The following SLC25A19 variants were observed in gnomAD, a reference collection of about 807,000 sequenced individuals.
The protein encoded by SLC25A19 is solute carrier family 25 member 19.
A neutral mutation model predicts 27.9 loss-of-function variants in SLC25A19; 18 were observed. The ratio of observed to expected loss-of-function variants is 0.64; its 90% CI spans 0.45 to 0.96. SLC25A19 has a LOEUF of 0.96. Among genes scored for constraint, SLC25A19 ranks in the 40% least tolerant of loss-of-function variants. The pLI is 0.00. For missense variants in SLC25A19, 371 were observed against 418.3 expected (o/e 0.89, Z 0.99); for synonymous variants, 169 against 167.1 (o/e 1.01, Z -0.09).
In SLC25A19 at chr17:75,273,561, G is replaced by A; in HGVS notation, c.853C>T (p.Leu285=). 1 of 1,614,066 alleles carries A rather than the reference G, an allele frequency of 6.2e-7. No individual in the cohort carries two copies. The highest frequency in any genetic ancestry group is 8.5e-7 in the Non-Finnish European group (1 of 1,179,980). ...GCAGCCTTCAGCAAGCTGGGGGACA[G>A]GCCCTTGAAGAAGCCCAGGGCGCCT... ...KEGALGFFKG[L]SPSLLKAALS... Residue 285 remains leucine, a synonymous_variant, in exon 8 of 8, where the codon CTG becomes TTG. Transcript: ENST00000416858.
Position 75,281,559 on chromosome 17 carries a change from T to C in SLC25A19, c.459+1864A>G, listed in dbSNP as rs368531408. Among the ~76,000 whole-genome samples the C allele has an allele frequency of 2.2e-3, 332 of 152,236 alleles. 4 individuals carry two copies. The highest frequency in any genetic ancestry group is 0.01 in the Middle Eastern group (3 of 294). ...GAAAAATATAAAAATTAGCCGGACA[T>C]GGCATCACGTGCCTGTAATCCCAGC... On this transcript the variant is annotated intron_variant, in intron 5 of 7. Transcript: ENST00000416858.
chr17:75,278,125 C>T (rs2077939768), intron 6 of SLC25A19, 27 bp downstream of exon 6: 27 of 1,610,884 alleles, frequency 1.7e-5, no homozygotes, highest in Non-Finnish European at 2.3e-5. Context: ...GGTGGGAGGG[C>T]TCCCTCTCGT....
intron 7 of SLC25A19, among the ~76,000 whole-genome samples, chr17:75,274,546 C>T (rs995897140): frequency 1.2e-4 from 18 of 152,198 alleles, no homozygotes; most frequent in Admixed American, 2.6e-4. Flanking sequence ...CCCACGTGCC[C>T]TTCCCACCTC....
At position 75,274,418 on chromosome 17, in the gene SLC25A19, G is replaced by A. The variant is rs567050975; in HGVS notation, c.775-779C>T. The stretch of plus-strand genomic sequence containing the variant: ...CAAGCCTGGCTTCCCTCCAAAAGCT[G>A]CAGTAACTCCTAGTGACGACATCAT... On this transcript the variant is annotated intron_variant, in intron 7 of 7. Coordinates refer to ENST00000416858, the MANE Select transcript of SLC25A19 (RefSeq NM_001126121.2). Among the ~76,000 whole-genome samples the A allele has an allele frequency of 6.6e-5, 10 of 152,276 alleles. 1 individual carries two copies. The East Asian group carries it at 1.7e-3, about 26-fold the overall frequency.
At chr17:75,281,194 A>AT (rs2078031413) in intron 5 of SLC25A19, among the ~76,000 whole-genome samples, 2 of 152,046 alleles carry the variant, frequency 1.3e-5, no homozygotes, top group Admixed American at 1.3e-4. Context: ...TGTCTCAAAA[A>AT]ATATATATAA....
In SLC25A19 at chr17:75,273,046, G is replaced by C. The variant is rs1300990417; in HGVS notation, c.*405C>G. The C allele has an allele frequency of 3.0e-6, 1 of 333,692 alleles. No individual in the cohort carries two copies. The highest frequency in any genetic ancestry group is 5.8e-6 in the Non-Finnish European group (1 of 171,628). The allele number at this position is 333,692 out of a possible 1,614,324, so 20.7% of individuals were successfully genotyped here. On this transcript the variant is annotated 3_prime_UTR_variant, in exon 8 of 8. Transcript: ENST00000416858. Reference sequence around the variant, plus strand: ...AGGTTGGAAAAACAGGCCAAGTGTAGGGACCTGACTCCTGCAAAGGGCCTA... The same window carrying C: ...AGGTTGGAAAAACAGGCCAAGTGTACGGACCTGACTCCTGCAAAGGGCCTA...
chr17:75,278,048 G>T, intron 6 of SLC25A19, 104 bp downstream of exon 6: 1 of 1,254,282 alleles, frequency 8.0e-7, no homozygotes, highest in Admixed American at 1.7e-5. Context: ...AGAGACCCGC[G>T]GTCTTTGATT....
intron 5 of SLC25A19, among the ~76,000 whole-genome samples, chr17:75,281,316 T>A (rs1206616792): frequency 6.6e-6 from 1 of 152,230 alleles, no homozygotes; most frequent in Non-Finnish European, 1.5e-5. Context: ...GAGGTCTATT[T>A]CAGGATTTAA....
chr17:75,278,416 G>A (rs975976141), intron 5 of SLC25A19, 81 bp from the exon 6 acceptor site: 30 of 1,508,882 alleles, frequency 2.0e-5, no homozygotes, highest in East Asian at 6.8e-5. Flanking sequence ...CTGTCCCCTC[G>A]CCTAAAATAC....
Position 75,273,534 on chromosome 17 carries a change from G to C in SLC25A19, c.880C>G (p.Leu294Val). The C allele has an allele frequency of 1.2e-6, 2 of 1,614,194 alleles. No homozygotes were observed. Among genetic ancestry groups the C allele is most frequent in the South Asian group, 1.1e-5 (1 of 91,084 alleles). Residue 294 changes from leucine (L) to valine (V), a missense_variant, in exon 8 of 8, where the codon CTC (leucine) becomes GTC (valine). By Grantham distance (32) the Leu-to-Val change is conservative (BLOSUM62 1). Coordinates refer to ENST00000416858, the MANE Select transcript of SLC25A19 (RefSeq NM_001126121.2). ...GLSPSLLKAALSTGFMFFSYE... is the reference protein window; with the variant it reads ...GLSPSLLKAAVSTGFMFFSYE... ...GAGAAGAACATGAAGCCTGTGGAGA[G>C]GGCAGCCTTCAGCAAGCTGGGGGAC...
intron 5 of SLC25A19, among the ~76,000 whole-genome samples, chr17:75,282,313 G>A (rs1239024889): frequency 2.6e-5 from 4 of 152,184 alleles, no homozygotes; most frequent in African/African-American, 9.7e-5. Context: ...CACTTTGGGA[G>A]GCCGAGGCGG....
chr17:75,278,812 A>C (rs1473314774), intron 5 of SLC25A19, among the ~76,000 whole-genome samples: 1 of 151,852 alleles, frequency 6.6e-6, no homozygotes, highest in Non-Finnish European at 1.5e-5. Flanking sequence ...GCGAAAGCCC[A>C]TCTCTACTAA....
chr17:75,276,429 G>A (rs1021718315), intron 7 of SLC25A19, among the ~76,000 whole-genome samples: 6 of 152,172 alleles, frequency 3.9e-5, no homozygotes, highest in African/African-American at 1.4e-4. Context: ...ATGCAGTGGT[G>A]CAATCGTGGC....
At chr17:75,281,661 C>T (rs898296542) in intron 5 of SLC25A19, among the ~76,000 whole-genome samples, 1 of 152,176 alleles carries the variant, frequency 6.6e-6, no homozygotes, top group Non-Finnish European at 1.5e-5. Flanking sequence ...TGCGCCACTG[C>T]ACTCTAGCCT....
chr17:75,282,584 G>A (rs995841439), intron 5 of SLC25A19, among the ~76,000 whole-genome samples: 42 of 151,772 alleles, frequency 2.8e-4, no homozygotes, highest in Non-Finnish European at 5.2e-4. Flanking sequence ...GGTCGGGCAC[G>A]GTGGCTCACG....
chr17:75,281,150 A>T (rs772565949), intron 5 of SLC25A19, among the ~76,000 whole-genome samples: 3 of 152,078 alleles, frequency 2.0e-5, no homozygotes, highest in Non-Finnish European at 4.4e-5. Flanking sequence ...TATTGCAGCC[A>T]TTGTACTCCA....
chr17:75,273,374 G>A lies in SLC25A19; in HGVS notation c.*77C>T, dbSNP rs1368162396. 2.7e-6 allele frequency: 4 copies of A among 1,506,736 alleles called. No homozygotes were observed. Among genetic ancestry groups the A allele is most frequent in the East Asian group, 4.8e-5 (2 of 41,508 alleles). 93.3% of individuals were successfully genotyped at this position (1,506,736 alleles called of 1,614,324 possible). On this transcript the variant is annotated 3_prime_UTR_variant, in exon 8 of 8. Coordinates refer to ENST00000416858, the MANE Select transcript of SLC25A19 (RefSeq NM_001126121.2). ...GCTGGCCTGCAGGGAAGGGCCAGAC[G>A]GCACCTCTCAGTGGAGACTGAATCT...
intron 5 of SLC25A19, among the ~76,000 whole-genome samples, chr17:75,280,215 A>G (rs1270277604): frequency 6.6e-6 from 1 of 152,104 alleles, no homozygotes; most frequent in Non-Finnish European, 1.5e-5. Flanking sequence ...TACAAAAAAT[A>G]CAAAAATTAG....
In SLC25A19 at chr17:75,281,471, G is replaced by A. The variant is rs370725827; in HGVS notation, c.459+1952C>T. The stretch of plus-strand genomic sequence containing the variant: ...CAGCACTTTGGGAGACAGAGGCCAG[G>A]GGATCACCTGAAGTCAAGAGTTTGA... On this transcript the variant is annotated intron_variant, in intron 5 of 7. Transcript: ENST00000416858. Among the ~76,000 whole-genome samples the A allele has an allele frequency of 3.5e-3, 528 of 151,612 alleles. 3 individuals are homozygous for A. Among genetic ancestry groups the A allele is most frequent in the African/African-American group, 0.012 (500 of 41,342 alleles).
Sources: gnomAD v4.1 joint callset for allele counts (sites outside exome capture counted in the v4.1 genomes callset) on GRCh38, gnomAD v4.1.1 for gene constraint, MANE v1.5 for transcripts, NCBI Gene and HGNC (gene_info 2026-07-23, HGNC 2026-07-21) for gene names.